Variants in SI observed in about 807,000 individuals in gnomAD.
SI encodes sucrase-isomaltase.
Under a neutral mutation model 253.3 loss-of-function variants are expected in SI, and 235 were observed. The ratio of observed to expected loss-of-function variants is 0.93; its 90% CI spans 0.83 to 1.03. The LOEUF (loss-of-function observed/expected upper bound fraction) is 1.03, where lower values mean the gene tolerates loss of function less well. Ranked by LOEUF, SI falls within the 50% of genes least tolerant of loss-of-function variation. The pLI is 0.00. For synonymous variants in SI, 819 were observed against 712.0 expected (o/e 1.15, Z -2.39); for missense variants, 2,442 against 2,211.1 (o/e 1.10, Z -2.09).
Position 165,074,613 on chromosome 3 carries a change from G to A in SI, c.173C>T (p.Ser58Phe). 1 of 1,610,716 alleles carries A rather than the reference G, an allele frequency of 6.2e-7. No individual in the cohort carries two copies. The highest frequency in any genetic ancestry group is 8.5e-7 in the Non-Finnish European group (1 of 1,177,680). ...CACATTTGGACATTTTCCTGAATCA[G>A]AAGGATTTGTAGTCACACGAGTAGT... ...PATTRVTTNP[S>F]DSGKCPNVLN... The change falls in exon 3 of 48, where the codon TCT becomes TTT. Residue 58 changes from serine (S) to phenylalanine (F), a missense_variant. Coordinates refer to ENST00000264382, the MANE Select transcript of SI (RefSeq NM_001041.4).
rs998362621 is a variant in SI at position 165,000,952 on chromosome 3, C to A, written c.4407-2279G>T. Among the ~76,000 whole-genome samples, 8 of 151,018 alleles carry A rather than the reference C, an allele frequency of 5.3e-5. No individual in the cohort carries two copies. In the East Asian group the frequency reaches 1.6e-3, roughly 29 times the overall value. Reference sequence around the variant, plus strand: ...ATATATTTTAAAAATTAGAATATATCTTCAATTATTATAAAAAAGTTTTTT... The same window carrying A: ...ATATATTTTAAAAATTAGAATATATATTCAATTATTATAAAAAAGTTTTTT... On this transcript the variant is annotated intron_variant, in intron 37 of 47. Transcript: ENST00000264382.
At chr3:164,991,216 C>T (rs1466356458) in intron 44 of SI, 137 bp downstream of exon 44, 1 of 895,120 alleles carries the variant, frequency 1.1e-6, no homozygotes, top group Non-Finnish European at 1.9e-6. Context: ...TGTCTCTGAC[C>T]TGGCATTCAT....
rs914403158 is a variant in SI at position 165,030,813 on chromosome 3, A to T, written c.2791T>A (p.Trp931Arg). ...TCATTTTCTGAGAAAATTTGATTCC[A>T]TTGAACACTAAAGTTTCTTCCAAGA... is the stretch of plus-strand genomic sequence containing the variant. Reference protein sequence around the residue: ...LNLGRNFSVQWNQIFSENERF... With the variant: ...LNLGRNFSVQRNQIFSENERF... The change falls in exon 25 of 48, where the codon TGG becomes AGG. Residue 931 changes from tryptophan to arginine, a missense_variant. Coordinates refer to ENST00000264382, the MANE Select transcript of SI (RefSeq NM_001041.4). The T allele has an allele frequency of 1.9e-6, 3 of 1,595,638 alleles. No homozygotes were observed. Among genetic ancestry groups the T allele is most frequent in the Admixed American group, 1.7e-5 (1 of 58,482 alleles).
chr3:165,055,705 A>C (rs375987699), intron 12 of SI, among the ~76,000 whole-genome samples: 1 of 152,062 alleles, frequency 6.6e-6, no homozygotes, highest in East Asian at 1.9e-4. Context: ...CAATTTTAAA[A>C]ACTGTCTTTT....
intron 18 of SI, 122 bp downstream of exon 18, chr3:165,040,818 C>A (rs998464388): frequency 4.0e-6 from 3 of 747,010 alleles, no homozygotes; most frequent in African/African-American, 3.5e-5. Flanking sequence ...ATCATTTACA[C>A]CAATGTAAAA....
Position 165,019,618 on chromosome 3 carries a change from C to A in SI, c.3407G>T (p.Arg1136Ile), listed in dbSNP as rs1391801888. 6.2e-7 allele frequency: 1 copy of A among 1,612,396 alleles called. No homozygotes were observed. The highest frequency in any genetic ancestry group is 1.1e-5 in the South Asian group (1 of 91,066). ...GGTACCTACACCAGGGGGTTGGTCT[C>A]TTGTGAACATTCCCCAAGTATTCCA... ...LNWNTWGMFT[R>I]DQPPGYKLNS... The change falls in exon 28 of 48, where the codon AGA (arginine) becomes ATA (isoleucine). Residue 1136 changes from arginine to isoleucine, a missense_variant. By Grantham distance (97) the Arg-to-Ile change is moderately conservative. Transcript: ENST00000264382.
At chr3:164,981,843 C>G (rs1250557941) in intron 47 of SI, among the ~76,000 whole-genome samples, 1 of 152,120 alleles carries the variant, frequency 6.6e-6, no homozygotes, top group Non-Finnish European at 1.5e-5. Flanking sequence ...ATGTATCACA[C>G]TCCTGTATTA....
At chr3:165,029,216 A>G (rs958465925) in intron 25 of SI, among the ~76,000 whole-genome samples, 1 of 151,474 alleles carries the variant, frequency 6.6e-6, no homozygotes, top group Non-Finnish European at 1.5e-5. Context: ...AATGCAAATT[A>G]AAACAACAAT....
At chr3:165,008,763 C>T (rs1035090877) in intron 35 of SI, among the ~76,000 whole-genome samples, 3 of 151,352 alleles carry the variant, frequency 2.0e-5, no homozygotes, top group Admixed American at 6.6e-5. Context: ...ATTTTTCCTC[C>T]GGAAATTGAA....
intron 34 of SI, among the ~76,000 whole-genome samples, chr3:165,011,431 C>G (rs1718761748): frequency 2.0e-5 from 3 of 151,866 alleles, no homozygotes. Context: ...CCCTCTTTTT[C>G]TGATTTCTAG....
chr3:165,070,512 T>C (rs2108104348), intron 3 of SI, among the ~76,000 whole-genome samples: 1 of 151,276 alleles, frequency 6.6e-6, no homozygotes, highest in East Asian at 1.9e-4. Context: ...CAATTTTATC[T>C]CCAGTTATCT....
chr3:165,041,981 C>T (rs926834263), intron 17 of SI, among the ~76,000 whole-genome samples: 1 of 152,042 alleles, frequency 6.6e-6, no homozygotes, highest in African/African-American at 2.4e-5. Flanking sequence ...GAACTAGGCG[C>T]AATTCGGGAT....
At chr3:165,038,766 G>T (rs1479265300) in intron 20 of SI, among the ~76,000 whole-genome samples, 1 of 151,790 alleles carries the variant, frequency 6.6e-6, no homozygotes, top group Non-Finnish European at 1.5e-5. Flanking sequence ...ATAGGAAAAA[G>T]CATTAAAATA....
chr3:165,059,307 T>C lies in SI; in HGVS notation c.1147-8A>G. 6.2e-7 allele frequency: 1 copy of C among 1,611,588 alleles called. No homozygotes were observed. Among genetic ancestry groups the C allele is most frequent in the South Asian group, 1.1e-5 (1 of 91,048 alleles). On this transcript the variant is annotated splice_polypyrimidine_tract_variant and splice_region_variant and intron_variant, in intron 10 of 47. Transcript: ENST00000264382. ...ATCAGTGACCTGTGTATCCTGAAAGTTAGAAGATTGTATTTCAATACATAG... is the reference window on the plus strand; with the variant it reads ...ATCAGTGACCTGTGTATCCTGAAAGCTAGAAGATTGTATTTCAATACATAG...
intron 6 of SI, among the ~76,000 whole-genome samples, chr3:165,066,737 A>G (rs1186207802): frequency 6.6e-6 from 1 of 151,966 alleles, no homozygotes; most frequent in Non-Finnish European, 1.5e-5. Flanking sequence ...ATGATTTAAC[A>G]CAAAGTCATA....
chr3:164,983,670 G>T (rs1717305075), intron 45 of SI, among the ~76,000 whole-genome samples: 1 of 152,026 alleles, frequency 6.6e-6, no homozygotes, highest in Non-Finnish European at 1.5e-5. Context: ...GCTCACTACA[G>T]CCTGGACCTC....
chr3:165,008,172 G>A (rs1332904408), intron 35 of SI, among the ~76,000 whole-genome samples, 174 bp from the exon 36 acceptor site: 1 of 151,760 alleles, frequency 6.6e-6, no homozygotes, highest in Non-Finnish European at 1.5e-5. Context: ...TTATCTCATT[G>A]ATTGCTTTTT....
intron 27 of SI, among the ~76,000 whole-genome samples, chr3:165,020,111 G>A (rs1158457913): frequency 6.6e-6 from 1 of 151,262 alleles, no homozygotes; most frequent in Non-Finnish European, 1.5e-5. Context: ...AAATTAAAAG[G>A]CCTCAATTTT....
At chr3:164,987,348 A>T in intron 44 of SI, 122 bp from the exon 45 acceptor site, 2 of 745,390 alleles carry the variant, frequency 2.7e-6, no homozygotes, top group Non-Finnish European at 4.7e-6. Flanking sequence ...AAACTGACTT[A>T]GACTAAGAAA....
Sources: gnomAD v4.1 joint callset for allele counts (sites outside exome capture counted in the v4.1 genomes callset) on GRCh38, gnomAD v4.1.1 for gene constraint, MANE v1.5 for transcripts, NCBI Gene and HGNC (gene_info 2026-07-23, HGNC 2026-07-21) for gene names.